Variants in NKX2-2 observed in about 807,000 individuals in gnomAD.
The protein encoded by NKX2-2 is NK2 homeobox 2, also known as homeobox protein Nkx-2.2.
Under a neutral mutation model 24.6 loss-of-function variants are expected in NKX2-2, and 8 were observed. The observed-to-expected ratio is 0.32, with a 90% CI of 0.19 to 0.59. The LOEUF (loss-of-function observed/expected upper bound fraction) is 0.59, where lower values mean the gene tolerates loss of function less well. Among genes scored for constraint, NKX2-2 ranks in the 20% least tolerant of loss-of-function variants. The probability of loss-of-function intolerance (pLI) is 0.86; values close to 1 mark genes in which losing one functional copy is unlikely to be tolerated. For missense variants in NKX2-2, 381 were observed against 373.9 expected (o/e 1.02, Z -0.16); for synonymous variants, 217 against 173.3 (o/e 1.25, Z -1.98).
intron 1 of NKX2-2, 114 bp from the exon 2 acceptor site, chr20:21,512,599 GC>G: frequency 1.3e-6 from 1 of 777,124 alleles, no homozygotes. Flanking sequence ...GCGCCTGGCA[GC>G]CCAGCCCCGC....
At chr20:21,512,748 G>A (rs548920877) in intron 1 of NKX2-2, among the ~76,000 whole-genome samples, 1 of 152,132 alleles carries the variant, frequency 6.6e-6, no homozygotes, top group Non-Finnish European at 1.5e-5. Flanking sequence ...TGAGAATTTG[G>A]GGGGGGAAGT....
At chr20:21,514,302 A>C (rs936473208), upstream of NKX2-2, among the ~76,000 whole-genome samples, 2 of 152,062 alleles carry the variant, frequency 1.3e-5, no homozygotes, top group African/African-American at 4.8e-5. Context: ...GCAGATGTGA[A>C]ATTGTGGGTT....
In NKX2-2 at chr20:21,512,256, G is replaced by A; in HGVS notation, c.489C>T (p.Ser163=). 1 of 1,613,934 alleles carries A rather than the reference G, an allele frequency of 6.2e-7. No homozygotes were observed. Among genetic ancestry groups the A allele is most frequent in the Non-Finnish European group, 8.5e-7 (1 of 1,179,950 alleles). Residue 163 remains serine (S), a synonymous_variant, in exon 2 of 2, where the codon AGC becomes AGT. Coordinates refer to ENST00000377142, the MANE Select transcript of NKX2-2 (RefSeq NM_002509.4). Reference sequence around the variant, plus strand: ...CCTGCGTGGGCGTGAGGCGGATGAGGCTGGCCAGGTGTTCGCGCTCGGGCG... The same window carrying A: ...CCTGCGTGGGCGTGAGGCGGATGAGACTGGCCAGGTGTTCGCGCTCGGGCG... ...LSAPEREHLA[S]LIRLTPTQVK...
At chr20:21,518,401 G>A (rs541468336), upstream of NKX2-2, among the ~76,000 whole-genome samples, 4 of 152,330 alleles carry the variant, frequency 2.6e-5, no homozygotes, top group East Asian at 5.8e-4. Flanking sequence ...AGGCAGGAGA[G>A]GGGAGGAAGA....
At position 21,513,695 on chromosome 20, in the gene NKX2-2, G is replaced by C. The variant is rs145333108; in HGVS notation, c.-26C>G. The C allele has an allele frequency of 7.5e-4, 954 of 1,268,224 alleles. 6 individuals carry two copies. In the African/African-American group the frequency reaches 0.014, roughly 19 times the overall value. 78.6% of individuals were successfully genotyped at this position (1,268,224 alleles called of 1,614,324 possible). Reference sequence around the variant, plus strand: ...GGTTCGAGACCCCAAAATTTATGTCGCAAAGTTGTAGCTTCACTTGGTCAA... The same window carrying C: ...GGTTCGAGACCCCAAAATTTATGTCCCAAAGTTGTAGCTTCACTTGGTCAA... On this transcript the variant is annotated 5_prime_UTR_variant, in exon 1 of 2. Transcript: ENST00000377142. The surrounding 1 kb of genome is among the most constrained non-coding windows in gnomAD (Gnocchi z 4.6).
chr20:21,517,180 C>A (rs1273147462), upstream of NKX2-2, among the ~76,000 whole-genome samples: 1 of 152,170 alleles, frequency 6.6e-6, no homozygotes, highest in Non-Finnish European at 1.5e-5. Flanking sequence ...AATGACCAGC[C>A]GAATCCTTCT....
At chr20:21,521,890 AC>A in the NKX2-2 span, among the ~76,000 whole-genome samples, 2 of 151,210 alleles carry the variant, frequency 1.3e-5, no homozygotes, top group Non-Finnish European at 2.9e-5. Context: ...ACCTACCCGG[AC>A]CCCCCTCGCT....
At chr20:21,516,917 C>T (rs1311042028), upstream of NKX2-2, among the ~76,000 whole-genome samples, 1 of 152,214 alleles carries the variant, frequency 6.6e-6, no homozygotes, top group African/African-American at 2.4e-5. Context: ...ACTTCTCTCC[C>T]CCTTCCCCAG....
upstream of NKX2-2, among the ~76,000 whole-genome samples, chr20:21,518,816 C>T (rs1388506089): frequency 6.6e-6 from 1 of 152,208 alleles, no homozygotes. Context: ...GGCCTCGGCA[C>T]ACCCTACGGA....
chr20:21,520,265 A>G, the NKX2-2 span, among the ~76,000 whole-genome samples: 2 of 151,736 alleles, frequency 1.3e-5, no homozygotes, highest in Non-Finnish European at 2.9e-5. Flanking sequence ...TCCCCCTGCG[A>G]TTAACTGTGG....
upstream of NKX2-2, among the ~76,000 whole-genome samples, chr20:21,516,841 G>A (rs1303432255): frequency 6.6e-6 from 1 of 152,146 alleles, no homozygotes; most frequent in African/African-American, 2.4e-5. Flanking sequence ...TGCCCGCAGA[G>A]GCCTCCCAAA....
In NKX2-2 at chr20:21,511,978, G is replaced by A. The variant is rs1980448418; in HGVS notation, c.767C>T (p.Thr256Ile). ...GGGGTGTGCTGTCGGGTACTGGGGG[G>A]TGCTGGCCGAGCTGTACTGGGCGTT... ...QYNAQYSSAS[T>I]PQYPTAHPLV... is the part of the protein sequence containing the mutation. Residue 256 changes from threonine to isoleucine, a missense_variant, in exon 2 of 2, where the codon ACC (threonine) becomes ATC (isoleucine). Coordinates refer to ENST00000377142, the MANE Select transcript of NKX2-2 (RefSeq NM_002509.4). 2 of 1,611,194 alleles carry A rather than the reference G, an allele frequency of 1.2e-6. No individual in the cohort carries two copies. The highest frequency in any genetic ancestry group is 1.7e-6 in the Non-Finnish European group (2 of 1,179,432).
upstream of NKX2-2, among the ~76,000 whole-genome samples, chr20:21,515,001 C>T (rs1036529821): frequency 6.6e-6 from 1 of 151,468 alleles, no homozygotes; most frequent in Admixed American, 6.6e-5. Flanking sequence ...CTCCACCTCT[C>T]TGCGGCCAAG....
At position 21,511,955 on chromosome 20, in the gene NKX2-2, G is replaced by C. The variant is rs1225041586; in HGVS notation, c.790C>G (p.Pro264Ala). The change falls in exon 2 of 2, where the codon CCC (proline) becomes GCC (alanine). Residue 264 changes from proline (P) to alanine (A), a missense_variant. Physicochemically the swap from Pro to Ala is conservative, Grantham distance 27 (BLOSUM62 -1). Around this residue, in one of 3 missense-constraint regions of NKX2-2, gnomAD observed 139 missense variants for 121.7 expected, o/e 1.14. Coordinates refer to ENST00000377142, the MANE Select transcript of NKX2-2 (RefSeq NM_002509.4). ...ASTPQYPTAH[P>A]LVQAQQWTW ...GTCCACTGCTGGGCCTGGACCAGGG[G>C]GTGTGCTGTCGGGTACTGGGGGGTG... 8.1e-6 allele frequency: 13 copies of C among 1,604,388 alleles called. No individual in the cohort carries two copies. The highest frequency in any genetic ancestry group is 1.1e-5 in the South Asian group (1 of 90,890).
Position 21,513,655 on chromosome 20 carries a change from G to T in NKX2-2, c.15C>A (p.Asn5Lys), listed in dbSNP as rs764811910. 1.3e-6 allele frequency: 2 copies of T among 1,578,718 alleles called. No individual in the cohort carries two copies. Among genetic ancestry groups the T allele is most frequent in the Non-Finnish European group, 8.6e-7 (1 of 1,165,634 alleles). ...CCTTGACCGAAAACCCCGTCTTTGT[G>T]TTGGTCAGCGACATGGTTCGAGACC... Reference protein sequence around the residue: MSLTNTKTGFSVKDI... With the variant: MSLTKTKTGFSVKDI... Residue 5 changes from asparagine to lysine, a missense_variant, in exon 1 of 2, where the codon AAC (asparagine) becomes AAA (lysine). Around this residue, in one of 3 missense-constraint regions of NKX2-2, gnomAD observed 206 missense variants for 173.1 expected, o/e 1.19. Coordinates refer to ENST00000377142, the MANE Select transcript of NKX2-2 (RefSeq NM_002509.4). This position sits in a 1 kb window ranked among gnomAD's most constrained non-coding sequence, Gnocchi z 4.6.
At position 21,513,490 on chromosome 20, in the gene NKX2-2, G is replaced by A. The variant is rs369277189; in HGVS notation, c.180C>T (p.Pro60=). ...QGALDAVQSL[P]LKNPFYDSSD... is the part of the protein sequence containing the mutation. Reference sequence around the variant, plus strand: ...TGCTGTCGTAGAAGGGGTTCTTCAGGGGCAGGCTCTGCACCGCGTCCAGGG... The same window carrying A: ...TGCTGTCGTAGAAGGGGTTCTTCAGAGGCAGGCTCTGCACCGCGTCCAGGG... The change falls in exon 1 of 2, where the codon CCC becomes CCT. Residue 60 remains proline, a synonymous_variant. Coordinates refer to ENST00000377142, the MANE Select transcript of NKX2-2 (RefSeq NM_002509.4). This position sits in a 1 kb window ranked among gnomAD's most constrained non-coding sequence, Gnocchi z 4.6. 6.2e-7 allele frequency: 1 copy of A among 1,611,456 alleles called. No homozygotes were observed. The highest frequency in any genetic ancestry group is 1.1e-5 in the South Asian group (1 of 90,480).
chr20:21,513,366 G>T lies in NKX2-2; in HGVS notation c.259+45C>A, dbSNP rs1033453326. On this transcript the variant is annotated intron_variant, in intron 1 of 1. Coordinates refer to ENST00000377142, the MANE Select transcript of NKX2-2 (RefSeq NM_002509.4). This position sits in a 1 kb window ranked among gnomAD's most constrained non-coding sequence, Gnocchi z 4.6. Reference sequence around the variant, plus strand: ...CGTCCAACCCGGGCTGCGGCTGCAGGAATGGAGGGGACCACGGCCTCGGCA... The same window carrying T: ...CGTCCAACCCGGGCTGCGGCTGCAGTAATGGAGGGGACCACGGCCTCGGCA... 6.7e-7 allele frequency: 1 copy of T among 1,491,572 alleles called. No individual in the cohort carries two copies. The highest frequency in any genetic ancestry group is 1.4e-5 in the African/African-American group (1 of 70,570). The allele number at this position is 1,491,572 out of a possible 1,614,324, so 92.4% of individuals were successfully genotyped here. A position where few individuals can be genotyped will look rare whatever the true frequency, so the allele number is the denominator to read the frequency against.
upstream of NKX2-2, among the ~76,000 whole-genome samples, chr20:21,515,903 C>T (rs1980626097): frequency 6.6e-6 from 1 of 152,204 alleles, no homozygotes; most frequent in Non-Finnish European, 1.5e-5. Context: ...AGCTGCCTCG[C>T]CCCCAGTATG....
Position 21,513,988 on chromosome 20 carries a change from G to A in NKX2-2, c.-319C>T, listed in dbSNP as rs1336536085. On this transcript the variant is annotated 5_prime_UTR_variant, in exon 1 of 2. Transcript: ENST00000377142. The surrounding 1 kb of genome is among the most constrained non-coding windows in gnomAD (Gnocchi z 4.6). ...CGGCCTTAGTTTCTAACTCCAGGAG[G>A]GGTGCCAAGGCGGCGTCAGCTCGGG... 6 of 186,642 alleles carry A rather than the reference G, an allele frequency of 3.2e-5. No homozygotes were observed. The highest frequency in any genetic ancestry group is 3.1e-4 in the Admixed American group (5 of 16,076). The allele number at this position is 186,642 out of a possible 1,614,324, so 11.6% of individuals were successfully genotyped here.
Sources: gnomAD v4.1 joint callset for allele counts (sites outside exome capture counted in the v4.1 genomes callset) on GRCh38, gnomAD v4.1.1 for gene constraint, gnomAD v4.1.1 regional missense constraint, Gnocchi (gnomAD v3.1) non-coding constraint, MANE v1.5 for transcripts, NCBI Gene and HGNC (gene_info 2026-07-23, HGNC 2026-07-21) for gene names.